Variants in EPAS1 observed in about 807,000 individuals in gnomAD.
EPAS1 encodes the protein endothelial PAS domain protein 1, also known as endothelial PAS domain-containing protein 1.
Under a neutral mutation model 87.9 loss-of-function variants are expected in EPAS1, and 23 were observed. That is an observed-to-expected ratio of 0.26 (90% CI 0.19 to 0.37). EPAS1 has a LOEUF of 0.37. Ranked by LOEUF, EPAS1 falls within the 10% of genes least tolerant of loss-of-function variation. The probability of loss-of-function intolerance (pLI) is 1.00; values close to 1 mark genes in which losing one functional copy is unlikely to be tolerated. For synonymous variants in EPAS1, 508 were observed against 444.3 expected (o/e 1.14, Z -1.80); for missense variants, 1,138 against 1,120.7 (o/e 1.02, Z -0.22).
intron 1 of EPAS1, among the ~76,000 whole-genome samples, chr2:46,304,945 C>A (rs1207791921): frequency 6.6e-6 from 1 of 152,216 alleles, no homozygotes; most frequent in Non-Finnish European, 1.5e-5. Flanking sequence ...AGCCCTGAGC[C>A]TTAACAGCCA....
intron 1 of EPAS1, among the ~76,000 whole-genome samples, chr2:46,322,268 T>G (rs1194888698): frequency 6.6e-6 from 1 of 152,156 alleles, no homozygotes; most frequent in Non-Finnish European, 1.5e-5. Flanking sequence ...GCTCATATTT[T>G]TACAAGAAAA....
intron 1 of EPAS1, among the ~76,000 whole-genome samples, chr2:46,344,345 C>T (rs1683972517): frequency 6.6e-6 from 1 of 152,212 alleles, no homozygotes; most frequent in Admixed American, 6.5e-5. Flanking sequence ...GGCGTTAATG[C>T]CATAGCCTGT....
intron 1 of EPAS1, among the ~76,000 whole-genome samples, chr2:46,323,888 C>A (rs1415234606): frequency 6.6e-6 from 1 of 152,092 alleles, no homozygotes; most frequent in Non-Finnish European, 1.5e-5. Context: ...GGGTGTGATT[C>A]TCCTGTCTTC....
At chr2:46,377,423 C>T (rs1684778461) in intron 9 of EPAS1, among the ~76,000 whole-genome samples, 1 of 152,332 alleles carries the variant, frequency 6.6e-6, no homozygotes, top group African/African-American at 2.4e-5. Flanking sequence ...GAGTGGTGCT[C>T]ACCCTGGACT....
intron 6 of EPAS1, among the ~76,000 whole-genome samples, chr2:46,369,160 T>C (rs1437594993): frequency 6.6e-6 from 1 of 152,146 alleles, no homozygotes; most frequent in Non-Finnish European, 1.5e-5. Flanking sequence ...CAGCACCTCC[T>C]TGCCTCCCTC....
rs1684293804 is a variant in EPAS1, at chr2:46,357,551, G to A, written c.454+743G>A. On this transcript the variant is annotated intron_variant, in intron 4 of 15. Coordinates refer to ENST00000263734, the MANE Select transcript of EPAS1 (RefSeq NM_001430.5). ...TGAAGGCTTTGTCCCCAGATTGGCA[G>A]AGCATCACTTCTGCCCCATCTTGTT... is the stretch of plus-strand genomic sequence containing the variant. 2.0e-5 allele frequency among the ~76,000 whole-genome samples: 3 copies of A among 152,332 alleles called. No homozygotes were observed. The South Asian group carries it at 6.2e-4, about 32-fold the overall frequency.
chr2:46,303,422 G>A (rs1439698086), intron 1 of EPAS1, among the ~76,000 whole-genome samples: 6 of 152,114 alleles, frequency 3.9e-5, no homozygotes, highest in Non-Finnish European at 7.3e-5. Context: ...CATGTACTTC[G>A]ACACCATACA....
intron 1 of EPAS1, among the ~76,000 whole-genome samples, chr2:46,343,199 C>T (rs1013982896): frequency 9.9e-5 from 15 of 152,150 alleles, no homozygotes; most frequent in African/African-American, 2.9e-4. Flanking sequence ...CTTCTTCCCC[C>T]GCCGACCCCA....
intron 15 of EPAS1, 127 bp downstream of exon 15, chr2:46,382,725 A>G: frequency 7.9e-7 from 1 of 1,271,310 alleles, no homozygotes; most frequent in Non-Finnish European, 1.1e-6. Context: ...AGTCACCTAT[A>G]CAGGGCTCAG....
At chr2:46,369,959 G>C (rs553144228) in intron 7 of EPAS1, 26 bp downstream of exon 7, 1 of 1,555,354 alleles carries the variant, frequency 6.4e-7, no homozygotes, top group South Asian at 1.1e-5. Context: ...GCCCCTTGTG[G>C]CTTCCTTGTG....
chr2:46,316,105 G>T (rs557585978), intron 1 of EPAS1, among the ~76,000 whole-genome samples: 42 of 152,022 alleles, frequency 2.8e-4, no homozygotes, highest in African/African-American at 9.9e-4. Context: ...ACAGAATACG[G>T]GCATACTTCT....
chr2:46,297,545 C>G lies in EPAS1; in HGVS notation c.-367C>G, dbSNP rs1232909662. On this transcript the variant is annotated 5_prime_UTR_variant, in exon 1 of 16. Coordinates refer to ENST00000263734, the MANE Select transcript of EPAS1 (RefSeq NM_001430.5). ...GCCCGGCCTCCGACTCCTTCCGACTCCCAGCATTCGAGCCACTTTTTTTTT... is the reference window on the plus strand; with the variant it reads ...GCCCGGCCTCCGACTCCTTCCGACTGCCAGCATTCGAGCCACTTTTTTTTT... The G allele has an allele frequency of 4.7e-5, 15 of 320,034 alleles. No individual in the cohort carries two copies. In the Admixed American group the frequency reaches 5.4e-4, roughly 12 times the overall value. The allele number at this position is 320,034 out of a possible 1,614,324, so 19.8% of individuals were successfully genotyped here.
At chr2:46,342,945 G>A (rs183144182) in intron 1 of EPAS1, among the ~76,000 whole-genome samples, 6 of 152,094 alleles carry the variant, frequency 3.9e-5, no homozygotes, top group Non-Finnish European at 5.9e-5. Context: ...TTTCCACCTC[G>A]GGGAGAGTAA....
chr2:46,297,806 T>A lies in EPAS1; in HGVS notation c.-106T>A. The stretch of plus-strand genomic sequence containing the variant: ...TCGGGACCTGCGCGCACCTCGGACC[T>A]TCACCACCCGCCCGGGCCGCGGGGA... On this transcript the variant is annotated 5_prime_UTR_variant, in exon 1 of 16. Transcript: ENST00000263734. 2 of 1,506,920 alleles carry A rather than the reference T, an allele frequency of 1.3e-6. No homozygotes were observed. The highest frequency in any genetic ancestry group is 2.5e-5 in the East Asian group (1 of 40,382). The allele number at this position is 1,506,920 out of a possible 1,614,324, so 93.3% of individuals were successfully genotyped here. A position where few individuals can be genotyped will look rare whatever the true frequency, so the allele number is the denominator to read the frequency against.
chr2:46,313,866 G>A (rs1055614330), intron 1 of EPAS1, among the ~76,000 whole-genome samples: 2 of 152,216 alleles, frequency 1.3e-5, no homozygotes, highest in African/African-American at 4.8e-5. Context: ...CTCAGGGTTT[G>A]GGGCAGTGCC....
chr2:46,383,231 C>G (rs912140319), intron 15 of EPAS1, among the ~76,000 whole-genome samples: 2 of 152,188 alleles, frequency 1.3e-5, no homozygotes, highest in African/African-American at 4.8e-5. Context: ...TGGGGTGTCA[C>G]TCTGAGTTCA....
intron 1 of EPAS1, among the ~76,000 whole-genome samples, chr2:46,332,182 C>G (rs1467437039): frequency 1.3e-5 from 2 of 151,412 alleles, no homozygotes; most frequent in East Asian, 3.9e-4. Flanking sequence ...GGGTTAAGTG[C>G]CAAGTTTTGA....
chr2:46,298,107 G>A (rs1470500440), intron 1 of EPAS1, among the ~76,000 whole-genome samples, 170 bp downstream of exon 1: 1 of 152,126 alleles, frequency 6.6e-6, no homozygotes. Flanking sequence ...TTGGGGGCGC[G>A]GATCAGCAGC....
chr2:46,356,038 A>T (rs1253802793), intron 2 of EPAS1, 113 bp from the exon 3 acceptor site: 1 of 1,206,198 alleles, frequency 8.3e-7, no homozygotes, highest in Non-Finnish European at 1.2e-6. Context: ...ATGCGTTTCC[A>T]GAAAAGTCCA....
Sources: allele counts gnomAD v4.1 joint callset (sites outside exome capture counted in the v4.1 genomes callset), GRCh38; gene constraint gnomAD v4.1.1; transcripts MANE v1.5; gene names NCBI Gene and HGNC (gene_info 2026-07-23, HGNC 2026-07-21).